Variants in PAK3 observed in about 807,000 individuals in gnomAD.
PAK3 encodes p21 (RAC1) activated kinase 3.
Under a neutral mutation model 41.0 loss-of-function variants are expected in PAK3, and 4 were observed. The ratio of observed to expected loss-of-function variants is 0.10; its 90% confidence interval spans 0.05 to 0.22. PAK3 has a LOEUF of 0.22. Ranked by LOEUF, PAK3 falls within the 10% of genes least tolerant of loss-of-function variation. The pLI is 1.00. For missense variants in PAK3, 205 were observed against 409.9 expected, an observed-to-expected ratio of 0.50 and a Z score of 4.32; for synonymous variants, 146 against 139.6, an observed-to-expected ratio of 1.05 and a Z score of -0.32.
intron 3 of PAK3, among the ~76,000 whole-genome samples, chrX:111,101,794 C>A (rs976140711): frequency 1.4e-4 from 16 of 111,994 alleles, no homozygotes; most frequent in African/African-American, 5.2e-4. Flanking sequence ...GGAAAGGCTG[C>A]CTGGAGTGTG....
chrX:111,201,397 G>C (rs2094682114), intron 16 of PAK3, among the ~76,000 whole-genome samples: 1 of 111,804 alleles, frequency 8.9e-6, no homozygotes, highest in Non-Finnish European at 1.9e-5. Flanking sequence ...GCGATTTCTT[G>C]GATCCTGGTG....
In PAK3 at chrX:111,222,430, A is replaced by G. The variant is rs938971607; in HGVS notation, c.*1983A>G. 4 of 112,095 alleles carry G rather than the reference A, an allele frequency of 3.6e-5. No homozygotes were observed. Among genetic ancestry groups the G allele is most frequent in the African/African-American group, 1.3e-4 (4 of 30,831 alleles). 9.2% of individuals were successfully genotyped at this position (112,095 alleles called of 1,213,427 possible). On this transcript the variant is annotated 3_prime_UTR_variant, in exon 18 of 18. Coordinates refer to ENST00000372007, the MANE Select transcript of PAK3 (RefSeq NM_002578.5). ...TGACCTCCTCCCCTTGAAAATGTCC[A>G]CAGTGGGATAAAACAACAAATGTGA...
rs773640730 is a variant in PAK3, at chrX:111,137,445, G to A, written c.176-4651G>A. ...CAGACTAACTGAATCTGAATCTCTG[G>A]AGATGGCATCTCTCTTTTTTTTTAA... On this transcript the variant is annotated intron_variant, in intron 5 of 17. Transcript: ENST00000372007. Among the ~76,000 whole-genome samples, 6 of 111,087 alleles carry A rather than the reference G, an allele frequency of 5.4e-5. No homozygotes were observed. In the South Asian group the frequency reaches 1.2e-3, roughly 22 times the overall value.
At chrX:111,088,940 G>A (rs1455477509) in intron 1 of PAK3, among the ~76,000 whole-genome samples, 4 of 111,980 alleles carry the variant, frequency 3.6e-5, no homozygotes, top group Admixed American at 9.5e-5. Flanking sequence ...CACTCTTTCA[G>A]TTCTGGGGAA....
intron 1 of PAK3, among the ~76,000 whole-genome samples, chrX:111,010,365 C>T (rs781151001): frequency 1.8e-5 from 2 of 111,547 alleles, no homozygotes; most frequent in African/African-American, 6.5e-5. Context: ...CAAATCAAAT[C>T]CTTGACAAGC....
At chrX:111,157,775 G>A (rs1435743611) in intron 8 of PAK3, among the ~76,000 whole-genome samples, 5 of 100,304 alleles carry the variant, frequency 5.0e-5, no homozygotes, top group East Asian at 3.1e-4. Context: ...CAACAATGGC[G>A]AAACTCCATC....
At chrX:110,979,296 C>CTTTTTTTTT (rs869275249) in intron 1 of PAK3, among the ~76,000 whole-genome samples, 1 of 9,054 alleles carries the variant, frequency 1.1e-4, no homozygotes, top group African/African-American at 1.7e-4. Flanking sequence ...TATTACTTTT[C>CTTTTTTTTT]TTTTTTTTTT....
At chrX:111,172,415 G>C (rs2094354459) in intron 10 of PAK3, among the ~76,000 whole-genome samples, 1 of 111,474 alleles carries the variant, frequency 9.0e-6, no homozygotes, top group South Asian at 3.7e-4. Context: ...TAAATTGTGT[G>C]ATGCTGAGGC....
chrX:111,072,373 A>G (rs1203031224), intron 1 of PAK3, among the ~76,000 whole-genome samples: 1 of 112,964 alleles, frequency 8.9e-6, no homozygotes, highest in Non-Finnish European at 1.9e-5. Flanking sequence ...TATTTCTGCA[A>G]CAAAGCATAT....
chrX:111,179,947 G>A (rs1380833713), intron 11 of PAK3, among the ~76,000 whole-genome samples: 3 of 110,459 alleles, frequency 2.7e-5, no homozygotes, highest in African/African-American at 9.9e-5. Flanking sequence ...TAGTAGATAC[G>A]GGGTTTCACC....
chrX:111,019,454 G>A (rs1385099066), intron 1 of PAK3, among the ~76,000 whole-genome samples: 1 of 105,375 alleles, frequency 9.5e-6, no homozygotes, highest in African/African-American at 3.5e-5. Context: ...AGCACTTTGT[G>A]AGGCCAAAGC....
At chrX:111,193,661 A>C (rs1351915282) in intron 13 of PAK3, among the ~76,000 whole-genome samples, 1 of 111,236 alleles carries the variant, frequency 9.0e-6, no homozygotes, top group Non-Finnish European at 1.9e-5. Flanking sequence ...CAAATTTTAC[A>C]GTCTTGATCA....
At chrX:111,177,116 CTG>C (rs1173076820) in intron 11 of PAK3, among the ~76,000 whole-genome samples, 1 of 110,476 alleles carries the variant, frequency 9.1e-6, no homozygotes, top group Non-Finnish European at 1.9e-5. Flanking sequence ...AAAATTAAAT[CTG>C]TGTTTTTAAT....
chrX:111,028,919 G>C (rs2092307638), intron 1 of PAK3, among the ~76,000 whole-genome samples: 1 of 110,647 alleles, frequency 9.0e-6, no homozygotes. Flanking sequence ...GATTGCTTCA[G>C]GCCACAAGTT....
intron 1 of PAK3, among the ~76,000 whole-genome samples, chrX:110,952,137 C>T (rs145440821): frequency 1.5e-4 from 17 of 112,167 alleles, no homozygotes; most frequent in Admixed American, 1.0e-3. Flanking sequence ...CCTTACTCTG[C>T]CTGGGCTTGC....
chrX:111,023,527 A>G (rs2092222877), intron 1 of PAK3, among the ~76,000 whole-genome samples: 2 of 111,910 alleles, frequency 1.8e-5, no homozygotes, highest in East Asian at 2.8e-4. Context: ...AAGTGTTCCT[A>G]TTTCTCCACA....
In PAK3 at chrX:111,003,388, G is replaced by A. The variant is rs149878014; in HGVS notation, c.-28+58760G>A. Among the ~76,000 whole-genome samples the A allele has an allele frequency of 3.5e-4, 39 of 111,247 alleles. No individual in the cohort carries two copies. The East Asian group carries it at 9.9e-3, about 28-fold the overall frequency. ...GTGGAAGGTGAAGTCCCTGCACCTCGGGGAAACTGCCACCCAGGATTATAG... is the reference window on the plus strand; with the variant it reads ...GTGGAAGGTGAAGTCCCTGCACCTCAGGGAAACTGCCACCCAGGATTATAG... On this transcript the variant is annotated intron_variant, in intron 1 of 14. Coordinates refer to the PAK3 transcript ENST00000425146.
intron 1 of PAK3, among the ~76,000 whole-genome samples, chrX:110,962,217 C>G (rs1016783786): frequency 8.9e-6 from 1 of 112,149 alleles, no homozygotes; most frequent in Non-Finnish European, 1.9e-5. Context: ...GCAGGAACCT[C>G]AAAGCAGTGT....
intron 1 of PAK3, among the ~76,000 whole-genome samples, chrX:110,985,061 C>T (rs1374996223): frequency 1.8e-5 from 2 of 111,909 alleles, no homozygotes; most frequent in Non-Finnish European, 3.8e-5. Context: ...CCCTGGAGAT[C>T]GAGGCTGCAG....
Sources: allele counts gnomAD v4.1 joint callset (sites outside exome capture counted in the v4.1 genomes callset), GRCh38; gene constraint gnomAD v4.1.1; transcripts MANE v1.5; gene names NCBI Gene and HGNC (gene_info 2026-07-23, HGNC 2026-07-21).